The following ELAVL4 variants were observed in gnomAD, a reference collection of about 807,000 sequenced individuals.
The protein encoded by ELAVL4 is ELAV like RNA binding protein 4, also known as ELAV-like protein 4.
Under a neutral mutation model 35.6 loss-of-function variants are expected in ELAVL4, and 1 was observed. That is an observed-to-expected ratio of 0.03 (90% CI 0.01 to 0.13). The LOEUF is 0.13. Among genes scored for constraint, ELAVL4 ranks in the 10% least tolerant of loss-of-function variants. The pLI is 1.00. For synonymous variants in ELAVL4, 156 were observed against 171.0 expected, an observed-to-expected ratio of 0.91 and a Z score of 0.69; for missense variants, 267 against 464.9, an observed-to-expected ratio of 0.57 and a Z score of 3.91.
chr1:50,189,687 C>A (rs1572602977), intron 3 of ELAVL4, among the ~76,000 whole-genome samples: 1 of 152,032 alleles, frequency 6.6e-6, no homozygotes, highest in East Asian at 1.9e-4. Context: ...CCAGGCTGGC[C>A]CACAAAAGCC....
At chr1:50,167,869 C>T (rs1270726805) in intron 2 of ELAVL4, among the ~76,000 whole-genome samples, 2 of 152,326 alleles carry the variant, frequency 1.3e-5, no homozygotes, top group Admixed American at 1.3e-4. Context: ...ACATACCTCT[C>T]CCCAAATTTC....
chr1:50,200,624 T>C (rs867954467), intron 6 of ELAVL4, among the ~76,000 whole-genome samples: 37 of 152,178 alleles, frequency 2.4e-4, no homozygotes, highest in African/African-American at 8.9e-4. Flanking sequence ...TTTTTAGAAA[T>C]TGACCTAGGT....
intron 1 of ELAVL4, among the ~76,000 whole-genome samples, chr1:50,067,511 A>G (rs1028738594): frequency 1.3e-5 from 2 of 152,228 alleles, no homozygotes; most frequent in Admixed American, 1.3e-4. Flanking sequence ...GCATATAAAT[A>G]CTACCAAGTT....
chr1:50,091,395 C>G (rs929997393), intron 1 of ELAVL4, among the ~76,000 whole-genome samples: 1 of 152,156 alleles, frequency 6.6e-6, no homozygotes, highest in Non-Finnish European at 1.5e-5. Flanking sequence ...AGAAAGTTCT[C>G]TCCTCCACCC....
At chr1:50,199,934 A>T (rs533540820) in intron 6 of ELAVL4, among the ~76,000 whole-genome samples, 1 of 152,306 alleles carries the variant, frequency 6.6e-6, no homozygotes, top group South Asian at 2.1e-4. Flanking sequence ...AACTGAGAAG[A>T]TTTCTAAACC....
rs1572602698 is a variant in ELAVL4 at position 50,189,635 on chromosome 1, T to C, written c.355-4130T>C. Among the ~76,000 whole-genome samples, 14 of 152,264 alleles carry C rather than the reference T, an allele frequency of 9.2e-5. No individual in the cohort carries two copies. In the South Asian group the frequency reaches 2.9e-3, roughly 32 times the overall value. ...TTTGTTTGTTTTTTGGGGGTTTTTT[T>C]CCGGTGAAATTGGAGGGTATGTCCC... On this transcript the variant is annotated intron_variant, in intron 3 of 6. Coordinates refer to ENST00000371824, the MANE Select transcript of ELAVL4 (RefSeq NM_001144774.3).
chr1:50,101,218 G>T (rs1282317181), upstream of ELAVL4, among the ~76,000 whole-genome samples: 1 of 152,092 alleles, frequency 6.6e-6, no homozygotes, highest in Non-Finnish European at 1.5e-5. Flanking sequence ...TGGAAATAAG[G>T]ACATATAACT....
intron 3 of ELAVL4, among the ~76,000 whole-genome samples, chr1:50,185,771 G>A (rs1011444706): frequency 6.6e-5 from 10 of 152,194 alleles, no homozygotes; most frequent in African/African-American, 2.4e-4. Flanking sequence ...GAGTAAGGGA[G>A]TAAAGAATGA....
In ELAVL4 at chr1:50,201,168, A is replaced by G. The variant is rs745455583; in HGVS notation, c.1091A>G (p.His364Arg). 5 of 1,581,844 alleles carry G rather than the reference A, an allele frequency of 3.2e-6. No homozygotes were observed. ...LQVSFKTNKA[H>R]KS ...GTTTCCTTTAAAACCAACAAAGCCC[A>G]CAAGTCCTGAATTTCCCATTCTTAC... Residue 364 changes from histidine to arginine, a missense_variant, in exon 7 of 7, where the codon CAC (histidine) becomes CGC (arginine). Coordinates refer to ENST00000371824, the MANE Select transcript of ELAVL4 (RefSeq NM_001144774.3). This position sits in a 1 kb window ranked among gnomAD's most constrained non-coding sequence, Gnocchi z 4.3.
chr1:50,184,761 G>C (rs781438585), intron 3 of ELAVL4, among the ~76,000 whole-genome samples: 23 of 152,178 alleles, frequency 1.5e-4, no homozygotes, highest in Admixed American at 3.3e-4. Flanking sequence ...TCCGATCATC[G>C]GAAGCATTCA....
chr1:50,134,505 A>C (rs1671565520), intron 1 of ELAVL4, among the ~76,000 whole-genome samples: 1 of 152,126 alleles, frequency 6.6e-6, no homozygotes, highest in Non-Finnish European at 1.5e-5. Flanking sequence ...CAGAGTTCAG[A>C]GGGTCTTAGG....
chr1:50,103,655 G>T (rs933377689), upstream of ELAVL4, among the ~76,000 whole-genome samples: 1 of 152,194 alleles, frequency 6.6e-6, no homozygotes, highest in African/African-American at 2.4e-5. Flanking sequence ...AGTCACTGAT[G>T]ACGCTATTTA....
intron 3 of ELAVL4, among the ~76,000 whole-genome samples, chr1:50,188,713 C>T (rs1682213010): frequency 1.3e-5 from 2 of 152,212 alleles, no homozygotes; most frequent in Admixed American, 6.5e-5. Flanking sequence ...TTCCAGCTGG[C>T]GTCTGGCTCC....
rs371123984 is a variant in ELAVL4 at position 50,122,465 on chromosome 1, G to A, written c.9+13267G>A. On this transcript the variant is annotated intron_variant, in intron 1 of 6. Transcript: ENST00000371824. ...GAAGTTGGATTAATTCTCCTCTAGG[G>A]ATTAGGGAACCTTTGTACTAAAGAA... 3.2e-4 allele frequency among the ~76,000 whole-genome samples: 48 copies of A among 152,202 alleles called. 1 individual carries two copies. The South Asian group carries it at 8.7e-3, about 28-fold the overall frequency.
chr1:50,050,499 A>C (rs1047314481), intron 1 of ELAVL4, among the ~76,000 whole-genome samples: 2 of 152,222 alleles, frequency 1.3e-5, no homozygotes, highest in African/African-American at 4.8e-5. Context: ...TTCATGCTTA[A>C]AATTAACATC....
At chr1:50,142,202 G>GT (rs1340477285) in intron 1 of ELAVL4, among the ~76,000 whole-genome samples, 3 of 152,102 alleles carry the variant, frequency 2.0e-5, no homozygotes, top group East Asian at 3.9e-4. Context: ...TAAGTTTTTT[G>GT]TTTTTTTGTT....
chr1:50,126,618 A>G (rs1390934313), intron 1 of ELAVL4, among the ~76,000 whole-genome samples: 1 of 152,112 alleles, frequency 6.6e-6, no homozygotes, highest in African/African-American at 2.4e-5. Flanking sequence ...TCCATTGTGT[A>G]TACTGTTACA....
chr1:50,196,177 T>C (rs984459405), intron 5 of ELAVL4, among the ~76,000 whole-genome samples: 2 of 152,228 alleles, frequency 1.3e-5, no homozygotes, highest in East Asian at 3.8e-4. Context: ...GGCAGATCCT[T>C]GCCAGAAGGA....
chr1:50,121,034 T>A (rs1312593287), intron 1 of ELAVL4, among the ~76,000 whole-genome samples: 1 of 152,092 alleles, frequency 6.6e-6, no homozygotes, highest in Non-Finnish European at 1.5e-5. Flanking sequence ...AATCCTCTCT[T>A]ACTTCAATGT....
Sources: allele counts gnomAD v4.1 joint callset (sites outside exome capture counted in the v4.1 genomes callset), GRCh38; gene constraint gnomAD v4.1.1; non-coding constraint Gnocchi (gnomAD v3.1); transcripts MANE v1.5; gene names NCBI Gene and HGNC (gene_info 2026-07-23, HGNC 2026-07-21).